The following AFDN variants were observed in gnomAD, a reference collection of about 807,000 sequenced individuals.
The protein encoded by AFDN is afadin.
Under a neutral mutation model 216.6 loss-of-function variants are expected in AFDN, and 68 were observed. The observed-to-expected ratio is 0.31, with a 90% CI of 0.26 to 0.38. The LOEUF (loss-of-function observed/expected upper bound fraction) is 0.38. AFDN is among the 10% of genes least tolerant of loss of function. The pLI is 1.00. For missense variants in AFDN, 2,136 were observed against 2,342.0 expected (o/e 0.91, Z 1.82); for synonymous variants, 868 against 853.7 (o/e 1.02, Z -0.29).
intron 1 of AFDN, among the ~76,000 whole-genome samples, chr6:167,861,488 C>T (rs1022930711): frequency 1.3e-5 from 2 of 151,944 alleles, no homozygotes; most frequent in Admixed American, 6.6e-5. Context: ...TTTTTTTTCT[C>T]TCTTTGATCT....
At chr6:167,969,219 C>T (rs780863381) in intron 33 of AFDN, 21 bp downstream of exon 33, 23 of 1,584,546 alleles carry the variant, frequency 1.5e-5, no homozygotes, top group African/African-American at 2.7e-5. Flanking sequence ...TTGCACTAGA[C>T]GAGGAACTTC....
chr6:167,837,452 G>A (rs1780576784), intron 1 of AFDN, among the ~76,000 whole-genome samples: 1 of 148,978 alleles, frequency 6.7e-6, no homozygotes, highest in Non-Finnish European at 1.5e-5. Flanking sequence ...AGCTGTATCT[G>A]CTTATTAGTT....
At chr6:167,900,731 T>C (rs574414402) in intron 11 of AFDN, among the ~76,000 whole-genome samples, 1 of 152,340 alleles carries the variant, frequency 6.6e-6, no homozygotes, top group South Asian at 2.1e-4. Flanking sequence ...TGGACACTGC[T>C]GTGTGCAGCT....
At chr6:167,961,848 G>T (rs1797069547) in intron 30 of AFDN, among the ~76,000 whole-genome samples, 1 of 152,128 alleles carries the variant, frequency 6.6e-6, no homozygotes, top group African/African-American at 2.4e-5. Context: ...AGTCCAGGGT[G>T]GGATCTGGAG....
intron 31 of AFDN, chr6:167,964,589 G>A (rs1427421914): frequency 4.7e-6 from 5 of 1,064,300 alleles, no homozygotes; most frequent in South Asian, 9.1e-5. Context: ...CTCAAAAGGT[G>A]AAGGAGTGAC....
intron 22 of AFDN, chr6:167,923,312 T>G: frequency 6.3e-6 from 1 of 159,846 alleles, no homozygotes; most frequent in East Asian, 1.8e-4. Context: ...TTATAGTCAG[T>G]TCTGCCTTGT....
Position 167,965,692 on chromosome 6 carries a change from C to T in AFDN, c.4969-65C>T, listed in dbSNP as rs1797464232. 8 of 1,415,412 alleles carry T rather than the reference C, an allele frequency of 5.7e-6. No homozygotes were observed. In the South Asian group the frequency reaches 1.2e-4, roughly 21 times the overall value. The allele number at this position is 1,415,412 out of a possible 1,614,324, so 87.7% of individuals were successfully genotyped here. On this transcript the variant is annotated intron_variant, in intron 31 of 33. Coordinates refer to ENST00000683244, the MANE Select transcript of AFDN (RefSeq NM_001386888.1). ...TGATGAGGATTGTTCCCTTTGAAGG[C>T]CCAGTGGGTCGGCTGTTCCCTTCTC...
At chr6:167,895,817 G>A (rs1019589121) in intron 9 of AFDN, among the ~76,000 whole-genome samples, 5 of 152,122 alleles carry the variant, frequency 3.3e-5, no homozygotes, top group African/African-American at 9.7e-5. Context: ...TGGAATCAGC[G>A]GGTTTGAAAG....
At chr6:167,858,858 A>G (rs569236892) in intron 1 of AFDN, among the ~76,000 whole-genome samples, 5 of 152,320 alleles carry the variant, frequency 3.3e-5, no homozygotes, top group African/African-American at 1.2e-4. Flanking sequence ...GGTTAAAGAC[A>G]AAGCAAATTG....
At chr6:167,862,170 C>T (rs968117921) in intron 1 of AFDN, among the ~76,000 whole-genome samples, 2 of 151,994 alleles carry the variant, frequency 1.3e-5, no homozygotes, top group South Asian at 2.1e-4. Flanking sequence ...AAGGGGGTAG[C>T]GGCAGATGCT....
intron 1 of AFDN, among the ~76,000 whole-genome samples, chr6:167,827,460 G>C (rs543855129): frequency 1.4e-4 from 21 of 145,820 alleles, no homozygotes; most frequent in African/African-American, 5.2e-4. Context: ...CGCGGGCCGA[G>C]CGGGGGCTGG....
At chr6:167,924,722 G>C (rs1308174735) in intron 22 of AFDN, among the ~76,000 whole-genome samples, 1 of 152,180 alleles carries the variant, frequency 6.6e-6, no homozygotes, top group African/African-American at 2.4e-5. Context: ...ATAGTAATGG[G>C]AGTTTAATTT....
intron 1 of AFDN, among the ~76,000 whole-genome samples, chr6:167,837,102 T>C (rs1322781399): frequency 1.3e-5 from 2 of 152,182 alleles, no homozygotes; most frequent in East Asian, 1.9e-4. Flanking sequence ...CATTGTTAGT[T>C]TTGAGAATAT....
chr6:167,907,310 C>A, intron 13 of AFDN, 21 bp downstream of exon 13: 1 of 1,570,498 alleles, frequency 6.4e-7, no homozygotes, highest in South Asian at 1.1e-5. Context: ...CATCATTTTT[C>A]AATGGTGAAA....
At chr6:167,831,737 T>G (rs900471747) in intron 1 of AFDN, among the ~76,000 whole-genome samples, 1 of 152,144 alleles carries the variant, frequency 6.6e-6, no homozygotes, top group African/African-American at 2.4e-5. Context: ...GATACCAAAT[T>G]GGTGAGAAGC....
At position 167,902,344 on chromosome 6, in the gene AFDN, G is replaced by A. The variant is rs1232636651; in HGVS notation, c.1608G>A (p.Leu536=). The stretch of plus-strand genomic sequence containing the variant: ...TTGTTCAGGAGACAACTTTTGATTT[G>A]GGAGGAGATATTCATAGTGGGACAG... ...PGIVQETTFD[L]GGDIHSGTAL... is the part of the protein sequence containing the mutation. Residue 536 remains leucine, a synonymous_variant, in exon 12 of 34, where the codon TTG becomes TTA. Coordinates refer to ENST00000683244, the MANE Select transcript of AFDN (RefSeq NM_001386888.1). 2.5e-6 allele frequency: 4 copies of A among 1,612,650 alleles called. No homozygotes were observed. Among genetic ancestry groups the A allele is most frequent in the African/African-American group, 1.3e-5 (1 of 74,884 alleles).
chr6:167,965,245 G>T (rs1161836341), intron 31 of AFDN: 4 of 233,524 alleles, frequency 1.7e-5, no homozygotes, highest in African/African-American at 9.3e-5. Context: ...GTCCAGGAAG[G>T]ACTGCTCTTC....
At chr6:167,841,818 G>C (rs62427059) in intron 1 of AFDN, among the ~76,000 whole-genome samples, 135,025 of 151,768 alleles carry the variant, frequency 0.89, 60,224 homozygotes, top group Non-Finnish European at 0.92. Flanking sequence ...CTTCAAGAGC[G>C]CTCTGGATTC....
Position 167,874,376 on chromosome 6 carries a change from A to G in AFDN, c.579-959A>G, listed in dbSNP as rs377669084. Among the ~76,000 whole-genome samples, 165 of 152,292 alleles carry G rather than the reference A, an allele frequency of 1.1e-3. No individual in the cohort carries two copies. In the South Asian group the frequency reaches 0.032, roughly 29 times the overall value. On this transcript the variant is annotated intron_variant, in intron 4 of 33. Transcript: ENST00000683244. ...ACTATTTTTAATTAAATTATTTTTT[A>G]TGATGAAAAATTGTGTCTTTAAAGT...
Sources: gnomAD v4.1 joint callset for allele counts (sites outside exome capture counted in the v4.1 genomes callset) on GRCh38, gnomAD v4.1.1 for gene constraint, MANE v1.5 for transcripts, NCBI Gene and HGNC (gene_info 2026-07-23, HGNC 2026-07-21) for gene names.